Variants in CHRDL1 observed in about 807,000 individuals in gnomAD.
CHRDL1 encodes chordin like 1.
A neutral mutation model predicts 40.9 loss-of-function variants in CHRDL1; 19 were observed. The ratio of observed to expected loss-of-function variants is 0.46; its 90% confidence interval spans 0.32 to 0.68. CHRDL1 has a LOEUF of 0.68. Ranked by LOEUF, CHRDL1 falls within the 30% of genes least tolerant of loss-of-function variation. The pLI is 0.03. For synonymous variants in CHRDL1, 136 were observed against 123.4 expected (o/e 1.10, Z -0.68); for missense variants, 329 against 352.1 (o/e 0.93, Z 0.53).
intron 4 of CHRDL1, among the ~76,000 whole-genome samples, chrX:110,742,782 C>T (rs1304526044): frequency 2.7e-5 from 3 of 111,760 alleles, no homozygotes; most frequent in African/African-American, 9.8e-5. Context: ...AAGAAAGTTA[C>T]AGAGTCTTTC....
rs752779914 is a variant in CHRDL1 at position 110,695,005 on chromosome X, G to A, written c.610-674C>T. ...ACTTTATTTGGTAAGCAATAGAGGT[G>A]AGGGCATAGAAGGCTTTGAGGGATT... On this transcript the variant is annotated intron_variant, in intron 7 of 11. Transcript: ENST00000372042. Among the ~76,000 whole-genome samples, 80 of 111,188 alleles carry A rather than the reference G, an allele frequency of 7.2e-4. 2 individuals are homozygous for A. The highest frequency in any genetic ancestry group is 3.4e-4 in the Non-Finnish European group (18 of 53,022).
At chrX:110,769,708 G>A (rs916108372) in intron 2 of CHRDL1, among the ~76,000 whole-genome samples, 2 of 111,754 alleles carry the variant, frequency 1.8e-5, no homozygotes, top group Non-Finnish European at 3.8e-5. Flanking sequence ...CTTGTGCAGG[G>A]AAACTCCCTT....
rs995638129 is a variant in CHRDL1, at chrX:110,762,713, C to A, written c.189G>T (p.Val63=). Residue 63 remains valine, a synonymous_variant, in exon 3 of 12, where the codon GTG becomes GTT. Transcript: ENST00000372042. ...YLEPYGLVYC[V]NCICSENGNV... Reference sequence around the variant, plus strand: ...ATTGTACCTCTGAGCAGATGCAGTTCACGCAGTAAACCAACCCATAAGGTT... The same window carrying A: ...ATTGTACCTCTGAGCAGATGCAGTTAACGCAGTAAACCAACCCATAAGGTT... 3.8e-5 allele frequency: 44 copies of A among 1,159,902 alleles called. No individual in the cohort carries two copies. The highest frequency in any genetic ancestry group is 5.2e-5 in the Non-Finnish European group (44 of 850,995).
At chrX:110,690,051 ATAT>A (rs2070239204) in intron 8 of CHRDL1, among the ~76,000 whole-genome samples, 1 of 66,619 alleles carries the variant, frequency 1.5e-5, no homozygotes, top group Non-Finnish European at 2.6e-5. Context: ...ATATATATAT[ATAT>A]TTTTTTTTTG....
At chrX:110,685,755 C>T (rs1353669644) in intron 9 of CHRDL1, among the ~76,000 whole-genome samples, 5 of 94,375 alleles carry the variant, frequency 5.3e-5, no homozygotes, top group African/African-American at 2.2e-4. Context: ...TTCCCATATT[C>T]GTGAACTTTC....
intron 8 of CHRDL1, among the ~76,000 whole-genome samples, chrX:110,690,003 C>A (rs56692788): frequency 4.8e-5 from 1 of 20,990 alleles, no homozygotes; most frequent in Non-Finnish European, 7.9e-5. Flanking sequence ...ATCTATATAT[C>A]TATATATATC....
In CHRDL1 at chrX:110,689,578, A is replaced by ATCTATATATCTCTATATC. The variant is rs1569461771; in HGVS notation, c.779-776_779-775insGATATAGAGATATATAGA. On this transcript the variant is annotated intron_variant, in intron 8 of 11. Transcript: ENST00000372042. ...TCTATATATCTATATATATCTATAT[A>ATCTATATATCTCTATATC]TCTATATATCTATATATCTATATAT... 4.2e-3 allele frequency among the ~76,000 whole-genome samples: 18 copies of ATCTATATATCTCTATATC among 4,317 alleles called. No individual in the cohort carries two copies. The East Asian group carries it at 0.052, about 13-fold the overall frequency. 3.7% of individuals were successfully genotyped at this position (4,317 alleles called of 115,157 possible).
intron 2 of CHRDL1, 68 bp downstream of exon 2, chrX:110,792,020 A>G: frequency 1.5e-6 from 1 of 669,458 alleles, no homozygotes; most frequent in Non-Finnish European, 2.3e-6. Flanking sequence ...CATAATTGCT[A>G]CAGATTATAG....
chrX:110,749,855 CA>C (rs1410364134), intron 4 of CHRDL1, among the ~76,000 whole-genome samples: 1 of 112,128 alleles, frequency 8.9e-6, no homozygotes. Context: ...TGGCTCTAGG[CA>C]ACAGATAGCA....
rs770880595 is a variant in CHRDL1, at chrX:110,762,763, C to T, written c.139G>A (p.Gly47Ser). ...CMFQDKKYRV[G>S]ERWHPYLEPY... Reference sequence around the variant, plus strand: ...TCCAGGTAAGGATGCCATCTCTCACCCACTCTGTACTTCTTGTCTTGAAAC... The same window carrying T: ...TCCAGGTAAGGATGCCATCTCTCACTCACTCTGTACTTCTTGTCTTGAAAC... Residue 47 changes from glycine to serine, a missense_variant, in exon 3 of 12, where the codon GGT becomes AGT. Physicochemically the swap from Gly to Ser is moderately conservative, Grantham distance 56. Transcript: ENST00000372042. 1.7e-6 allele frequency: 2 copies of T among 1,184,837 alleles called. No individual in the cohort carries two copies. The highest frequency in any genetic ancestry group is 1.8e-5 in the African/African-American group (1 of 56,425).
Position 110,795,782 on chromosome X carries a change from G to C in CHRDL1, c.-73C>G, listed in dbSNP as rs966279183. 8.9e-6 allele frequency: 1 copy of C among 112,759 alleles called. No individual in the cohort carries two copies. The highest frequency in any genetic ancestry group is 1.9e-5 in the Non-Finnish European group (1 of 53,276). The allele number at this position is 112,759 out of a possible 1,213,427, so 9.3% of individuals were successfully genotyped here. ...TTCTCCGTCTGCCACGCGTGCACGCGCTCCGAGCTCCCCGGGGCGCTCTCG... is the reference window on the plus strand; with the variant it reads ...TTCTCCGTCTGCCACGCGTGCACGCCCTCCGAGCTCCCCGGGGCGCTCTCG... On this transcript the variant is annotated 5_prime_UTR_variant, in exon 1 of 12. Coordinates refer to ENST00000372042, the MANE Select transcript of CHRDL1 (RefSeq NM_001143981.2).
chrX:110,711,056 A>G (rs959448057), intron 6 of CHRDL1, among the ~76,000 whole-genome samples: 1 of 111,834 alleles, frequency 8.9e-6, no homozygotes, highest in Non-Finnish European at 1.9e-5. Flanking sequence ...TCTCTAGATT[A>G]CTTATAAAAC....
At chrX:110,743,602 G>A (rs985178484) in intron 4 of CHRDL1, among the ~76,000 whole-genome samples, 1 of 112,152 alleles carries the variant, frequency 8.9e-6, no homozygotes, top group Non-Finnish European at 1.9e-5. Flanking sequence ...ATTTGGGGAA[G>A]CAAGCATGGC....
chrX:110,722,272 C>CA (rs2070973974), intron 4 of CHRDL1, among the ~76,000 whole-genome samples: 1 of 111,508 alleles, frequency 9.0e-6, no homozygotes, highest in Non-Finnish European at 1.9e-5. Flanking sequence ...GCTGGGATTA[C>CA]AGGCGTGAGC....
intron 2 of CHRDL1, among the ~76,000 whole-genome samples, chrX:110,778,651 GA>G (rs2089890756): frequency 8.9e-6 from 1 of 111,832 alleles, no homozygotes; most frequent in Non-Finnish European, 1.9e-5. Flanking sequence ...CACTGCTGGA[GA>G]GGATGTAAAA....
intron 2 of CHRDL1, among the ~76,000 whole-genome samples, chrX:110,766,556 G>T (rs1365451361): frequency 9.0e-6 from 1 of 111,355 alleles, no homozygotes; most frequent in Admixed American, 9.5e-5. Context: ...AGACTACTAT[G>T]AACACCTTTA....
chrX:110,687,565 T>A (rs938282548), intron 9 of CHRDL1, among the ~76,000 whole-genome samples: 2 of 112,209 alleles, frequency 1.8e-5, no homozygotes, highest in African/African-American at 6.5e-5. Context: ...TGAATTTTCA[T>A]CTGTGTTTAT....
chrX:110,757,375 TAGA>T (rs2148504017), intron 4 of CHRDL1, among the ~76,000 whole-genome samples: 1 of 107,842 alleles, frequency 9.3e-6, no homozygotes, highest in South Asian at 4.0e-4. Context: ...TTTTAAAAGC[TAGA>T]AGAAAAAAAA....
chrX:110,698,448 A>T (rs2070446443), intron 7 of CHRDL1, among the ~76,000 whole-genome samples: 1 of 111,928 alleles, frequency 8.9e-6, no homozygotes. Context: ...GATGCTATTT[A>T]TTATTCAAAT....
Sources: allele counts gnomAD v4.1 joint callset (sites outside exome capture counted in the v4.1 genomes callset), GRCh38; gene constraint gnomAD v4.1.1; transcripts MANE v1.5; gene names NCBI Gene and HGNC (gene_info 2026-07-23, HGNC 2026-07-21).